DPY19L1: variants seen among roughly 807,000 people sequenced by gnomAD.
DPY19L1 encodes dpy-19 like C-mannosyltransferase 1, also known as protein C-mannosyl-transferase DPY19L1.
A neutral mutation model predicts 96.9 loss-of-function variants in DPY19L1; 35 were observed. The ratio of observed to expected loss-of-function variants is 0.36; its 90% CI spans 0.28 to 0.48. The LOEUF is 0.48. Among genes scored for constraint, DPY19L1 ranks in the 20% least tolerant of loss-of-function variants. The probability of loss-of-function intolerance (pLI) is 0.99; values close to 1 mark genes in which losing one functional copy is unlikely to be tolerated. For missense variants in DPY19L1, 521 were observed against 777.9 expected, an observed-to-expected ratio of 0.67 and a Z score of 3.93; for synonymous variants, 205 against 252.6, an observed-to-expected ratio of 0.81 and a Z score of 1.79.
chr7:35,037,353 G>T lies in DPY19L1; in HGVS notation c.42C>A (p.Pro14=). ...AGGCGCGGGGTGGCTGGGGCGGCTTGGGAGCCGCCTCCCGGTGCTTGTTCC... is the reference window on the plus strand; with the variant it reads ...AGGCGCGGGGTGGCTGGGGCGGCTTTGGAGCCGCCTCCCGGTGCTTGTTCC... ...QARNKHREAA[P]KPPQPPRASQ... is the part of the protein sequence containing the mutation. Residue 14 remains proline, a synonymous_variant, in exon 1 of 22, where the codon CCC becomes CCA. Coordinates refer to ENST00000638088, the MANE Select transcript of DPY19L1 (RefSeq NM_001366673.1). The T allele has an allele frequency of 5.6e-6, 2 of 358,034 alleles. No homozygotes were observed. Among genetic ancestry groups the T allele is most frequent in the Non-Finnish European group, 1.0e-5 (2 of 200,114 alleles). The allele number at this position is 358,034 out of a possible 1,614,324, so 22.2% of individuals were successfully genotyped here. A position where few individuals can be genotyped will look rare whatever the true frequency, so the allele number is the denominator to read the frequency against.
At position 34,938,196 on chromosome 7, in the gene DPY19L1, A is replaced by T. The variant is rs1177033436; in HGVS notation, c.1965-77T>A. The T allele has an allele frequency of 3.2e-5, 47 of 1,457,044 alleles. No individual in the cohort carries two copies. In the East Asian group the frequency reaches 9.0e-4, roughly 28 times the overall value. The allele number at this position is 1,457,044 out of a possible 1,614,324, so 90.3% of individuals were successfully genotyped here. The stretch of plus-strand genomic sequence containing the variant: ...TAACACATTTGGAAGAAAGCACTGA[A>T]TTAGACTAGAAGACGATGAAGAAGA... On this transcript the variant is annotated intron_variant, in intron 20 of 21. Coordinates refer to ENST00000638088, the MANE Select transcript of DPY19L1 (RefSeq NM_001366673.1).
intron 6 of DPY19L1, among the ~76,000 whole-genome samples, chr7:34,994,534 G>A (rs190030098): frequency 1.3e-5 from 2 of 152,246 alleles, no homozygotes; most frequent in African/African-American, 4.8e-5. Context: ...GGCGGGGCGC[G>A]GTGGCTCATG....
At position 35,008,698 on chromosome 7, in the gene DPY19L1, C is replaced by A. The variant is rs1269468955; in HGVS notation, c.764+1770G>T. On this transcript the variant is annotated intron_variant, in intron 6 of 21. Coordinates refer to ENST00000638088, the MANE Select transcript of DPY19L1 (RefSeq NM_001366673.1). ...CAGCCTGGGTAACAATATAGCAAGA[C>A]CCCATATTTTTTTAAAAAAAGGGTA... Among the ~76,000 whole-genome samples the A allele has an allele frequency of 3.8e-4, 58 of 152,188 alleles. 1 individual carries two copies. Among genetic ancestry groups the A allele is most frequent in the Admixed American group, 3.5e-3 (53 of 15,278 alleles).
In DPY19L1 at chr7:34,999,638, C is replaced by T. The variant is rs540085907; in HGVS notation, c.765-9697G>A. On this transcript the variant is annotated intron_variant, in intron 6 of 21. Transcript: ENST00000638088. ...TAGGATGGAACCAGAGACAGAGGCT[C>T]CAGGAGGGAGGCCCCAGGGGATAGG... 1.1e-3 allele frequency among the ~76,000 whole-genome samples: 160 copies of T among 152,136 alleles called. 1 individual carries two copies. The highest frequency in any genetic ancestry group is 9.5e-3 in the Admixed American group (146 of 15,294).
intron 6 of DPY19L1, among the ~76,000 whole-genome samples, chr7:35,004,675 T>A (rs1430861817): frequency 6.6e-6 from 1 of 152,258 alleles, no homozygotes; most frequent in Non-Finnish European, 1.5e-5. Context: ...GTTATTTATT[T>A]ACTGGGTCAT....
chr7:34,936,617 A>G (rs1783873528), intron 21 of DPY19L1, among the ~76,000 whole-genome samples: 1 of 152,192 alleles, frequency 6.6e-6, no homozygotes, highest in Non-Finnish European at 1.5e-5. Context: ...TTTCTGTCCT[A>G]AATTTATATA....
At chr7:34,986,934 A>C (rs1452297224) in intron 7 of DPY19L1, among the ~76,000 whole-genome samples, 1 of 152,064 alleles carries the variant, frequency 6.6e-6, no homozygotes, top group Non-Finnish European at 1.5e-5. Flanking sequence ...GTACATCTTT[A>C]TATATGTGAA....
rs149426679 is a variant in DPY19L1, at chr7:34,961,878, T to C, written c.1093-3808A>G. On this transcript the variant is annotated intron_variant, in intron 10 of 21. Coordinates refer to ENST00000638088, the MANE Select transcript of DPY19L1 (RefSeq NM_001366673.1). ...GCAAAAAAAAGTATATTAAAAGATG[T>C]TCAACCAAATTAAAACAATGAGATA... 3.9e-5 allele frequency among the ~76,000 whole-genome samples: 6 copies of C among 152,252 alleles called. No individual in the cohort carries two copies. The East Asian group carries it at 1.2e-3, about 29-fold the overall frequency.
intron 9 of DPY19L1, among the ~76,000 whole-genome samples, chr7:34,967,842 AAC>A (rs947044405): frequency 1.3e-5 from 2 of 152,234 alleles, no homozygotes; most frequent in African/African-American, 4.8e-5. Context: ...TAGTGAGAAA[AAC>A]AACAAAGTTT....
At chr7:34,974,131 T>G (rs537641320) in intron 7 of DPY19L1, among the ~76,000 whole-genome samples, 5 of 152,162 alleles carry the variant, frequency 3.3e-5, no homozygotes, top group Admixed American at 6.6e-5. Context: ...GTAGGCAGTG[T>G]AATCAAATTA....
intron 15 of DPY19L1, among the ~76,000 whole-genome samples, chr7:34,946,992 G>C (rs1584207592): frequency 3.9e-5 from 6 of 152,334 alleles, no homozygotes; most frequent in African/African-American, 1.4e-4. Flanking sequence ...CACGTATCAG[G>C]AAACTTTTAA....
chr7:34,999,733 G>C (rs1785378998), intron 6 of DPY19L1, among the ~76,000 whole-genome samples: 1 of 152,204 alleles, frequency 6.6e-6, no homozygotes, highest in Non-Finnish European at 1.5e-5. Flanking sequence ...CAGTTCAGCT[G>C]TAGATCTGGA....
At chr7:35,029,257 T>C (rs1315370043) in intron 1 of DPY19L1, among the ~76,000 whole-genome samples, 1 of 152,208 alleles carries the variant, frequency 6.6e-6, no homozygotes, top group South Asian at 2.1e-4. Context: ...AACTTTCTTC[T>C]TATTAAAAAA....
chr7:34,997,877 G>C (rs1257576575), intron 6 of DPY19L1, among the ~76,000 whole-genome samples: 6 of 152,136 alleles, frequency 3.9e-5, no homozygotes, highest in Non-Finnish European at 7.3e-5. Flanking sequence ...TTCTGCTACA[G>C]AGCCTAAGAA....
chr7:35,016,283 G>T (rs141415592), intron 3 of DPY19L1, among the ~76,000 whole-genome samples: 168 of 152,140 alleles, frequency 1.1e-3, no homozygotes, highest in East Asian at 5.8e-3. Context: ...GAGCTGCAAG[G>T]GCTTTAATAG....
At chr7:34,963,678 T>C (rs572768252) in intron 10 of DPY19L1, among the ~76,000 whole-genome samples, 16 of 149,980 alleles carry the variant, frequency 1.1e-4, no homozygotes, top group South Asian at 2.1e-4. Flanking sequence ...CATGGACAGA[T>C]TGAATGGATA....
chr7:35,028,641 G>A (rs745613196), intron 1 of DPY19L1, among the ~76,000 whole-genome samples: 1 of 152,166 alleles, frequency 6.6e-6, no homozygotes, highest in African/African-American at 2.4e-5. Flanking sequence ...AATTCCGGGC[G>A]AGTCCAAAGC....
chr7:35,026,722 G>C (rs1271625064), intron 1 of DPY19L1, among the ~76,000 whole-genome samples: 1 of 152,182 alleles, frequency 6.6e-6, no homozygotes, highest in Non-Finnish European at 1.5e-5. Flanking sequence ...AAATTCAAAA[G>C]ATACACTGAG....
At chr7:35,020,161 C>G (rs1170397274) in intron 1 of DPY19L1, among the ~76,000 whole-genome samples, 1 of 152,168 alleles carries the variant, frequency 6.6e-6, no homozygotes, top group Non-Finnish European at 1.5e-5. Context: ...ATAATCCTAA[C>G]ATAATAAAAT....
Sources: allele counts gnomAD v4.1 joint callset (sites outside exome capture counted in the v4.1 genomes callset), GRCh38; gene constraint gnomAD v4.1.1; transcripts MANE v1.5; gene names NCBI Gene and HGNC (gene_info 2026-07-23, HGNC 2026-07-21).